NOS1AP: variants seen among roughly 807,000 people sequenced by gnomAD.
NOS1AP encodes the protein carboxyl-terminal PDZ ligand of neuronal nitric oxide synthase protein.
Under a neutral mutation model 56.2 loss-of-function variants are expected in NOS1AP, and 21 were observed. The observed-to-expected ratio is 0.37, with a 90% CI of 0.26 to 0.54. NOS1AP has a LOEUF of 0.54. Among genes scored for constraint, NOS1AP ranks in the 20% least tolerant of loss-of-function variants. The pLI is 0.84. For synonymous variants in NOS1AP, 270 were observed against 274.6 expected, an observed-to-expected ratio of 0.98 and a Z score of 0.17; for missense variants, 522 against 657.8, an observed-to-expected ratio of 0.79 and a Z score of 2.26.
chr1:162,299,559 G>A (rs534812237), intron 3 of NOS1AP, among the ~76,000 whole-genome samples: 56 of 152,218 alleles, frequency 3.7e-4, no homozygotes, highest in African/African-American at 1.2e-3. Flanking sequence ...TAGGTAATTC[G>A]TATATTAAAA....
Position 162,302,097 on chromosome 1 carries a change from C to T in NOS1AP, c.344+1391C>T, listed in dbSNP as rs76220133. On this transcript the variant is annotated intron_variant, in intron 4 of 9. Coordinates refer to ENST00000361897, the MANE Select transcript of NOS1AP (RefSeq NM_014697.3). ...TATGTCTGACAGAATGAATTTCTGC[C>T]TCTGTGTTCCTGTAGTACTGTTTAA... Among the ~76,000 whole-genome samples, 12 of 152,260 alleles carry T rather than the reference C, an allele frequency of 7.9e-5. No homozygotes were observed. In the East Asian group the frequency reaches 2.3e-3, roughly 29 times the overall value.
intron 1 of NOS1AP, among the ~76,000 whole-genome samples, chr1:162,120,933 T>C: frequency 6.6e-6 from 1 of 152,194 alleles, no homozygotes; most frequent in East Asian, 1.9e-4. Context: ...ATATGGGTTC[T>C]GAAAAGACCT....
At chr1:162,149,440 G>A (rs1430812418) in intron 1 of NOS1AP, among the ~76,000 whole-genome samples, 2 of 152,232 alleles carry the variant, frequency 1.3e-5, no homozygotes, top group African/African-American at 4.8e-5. Context: ...CTTAGATGGT[G>A]TCTTACACTT....
intron 1 of NOS1AP, among the ~76,000 whole-genome samples, chr1:162,100,230 C>G (rs1395178127): frequency 6.6e-6 from 1 of 151,874 alleles, no homozygotes; most frequent in Non-Finnish European, 1.5e-5. Flanking sequence ...AATGGTTGAA[C>G]TAGTTTACAG....
intron 2 of NOS1AP, among the ~76,000 whole-genome samples, chr1:162,194,748 G>C (rs1017772269): frequency 6.6e-6 from 1 of 152,144 alleles, no homozygotes; most frequent in Non-Finnish European, 1.5e-5. Flanking sequence ...TCCTCGGGGG[G>C]TTGGGGCTGA....
chr1:162,271,063 T>C (rs1005902693), intron 2 of NOS1AP, among the ~76,000 whole-genome samples: 2 of 152,206 alleles, frequency 1.3e-5, no homozygotes, highest in Admixed American at 6.5e-5. Context: ...TCTTCTGGTT[T>C]AGGCAATGGG....
intron 1 of NOS1AP, among the ~76,000 whole-genome samples, chr1:162,113,921 A>G (rs2102043294): frequency 6.6e-6 from 1 of 152,280 alleles, no homozygotes; most frequent in Non-Finnish European, 1.5e-5. Flanking sequence ...GAGAATTAAA[A>G]AAAAAAACAA....
At chr1:162,264,534 G>C (rs1477810351) in intron 2 of NOS1AP, among the ~76,000 whole-genome samples, 2 of 142,652 alleles carry the variant, frequency 1.4e-5, no homozygotes, top group Non-Finnish European at 3.0e-5. Context: ...TTGAGACAGA[G>C]TCTCACTGGT....
chr1:162,306,372 T>C (rs111361164), intron 4 of NOS1AP, among the ~76,000 whole-genome samples: 14 of 152,120 alleles, frequency 9.2e-5, no homozygotes, highest in Non-Finnish European at 1.9e-4. Flanking sequence ...AGGACAGACT[T>C]AAGCAAAACA....
chr1:162,229,380 T>C (rs953129974), intron 2 of NOS1AP, among the ~76,000 whole-genome samples: 1 of 152,224 alleles, frequency 6.6e-6, no homozygotes. Flanking sequence ...AAACTTCTTT[T>C]TGTTTTCTTT....
intron 1 of NOS1AP, among the ~76,000 whole-genome samples, chr1:162,095,383 C>G (rs1692217105): frequency 6.6e-6 from 1 of 152,144 alleles, no homozygotes; most frequent in Non-Finnish European, 1.5e-5. Flanking sequence ...ACTAAATCAC[C>G]TGGCACCTTG....
chr1:162,085,184 C>T (rs1691975333), intron 1 of NOS1AP, among the ~76,000 whole-genome samples: 2 of 152,110 alleles, frequency 1.3e-5, no homozygotes, highest in Admixed American at 6.5e-5. Flanking sequence ...AGGGAACTTG[C>T]TGCTATGCCA....
At chr1:162,073,916 A>G (rs568559651) in intron 1 of NOS1AP, among the ~76,000 whole-genome samples, 1 of 152,270 alleles carries the variant, frequency 6.6e-6, no homozygotes, top group South Asian at 2.1e-4. Context: ...GTGGCTCCTT[A>G]GTAACTGCCT....
intron 4 of NOS1AP, among the ~76,000 whole-genome samples, chr1:162,313,531 A>C (rs1317395526): frequency 6.6e-6 from 1 of 152,176 alleles, no homozygotes; most frequent in Non-Finnish European, 1.5e-5. Flanking sequence ...TGGCTCTGAG[A>C]GTTCCAAAGT....
chr1:162,137,594 G>C lies in NOS1AP; in HGVS notation c.106-16811G>C, dbSNP rs145150701. Among the ~76,000 whole-genome samples, 563 of 152,038 alleles carry C rather than the reference G, an allele frequency of 3.7e-3. 7 individuals are homozygous for C. The highest frequency in any genetic ancestry group is 0.013 in the African/African-American group (526 of 41,468). ...TTCTTTTCAGAAATCTGTATGTGAGGATCTTTTTCTGCCCTTTCTCTGCTT... is the reference window on the plus strand; with the variant it reads ...TTCTTTTCAGAAATCTGTATGTGAGCATCTTTTTCTGCCCTTTCTCTGCTT... On this transcript the variant is annotated intron_variant, in intron 1 of 9. Transcript: ENST00000361897.
chr1:162,092,086 G>A (rs1189040482), intron 1 of NOS1AP, among the ~76,000 whole-genome samples: 1 of 152,172 alleles, frequency 6.6e-6, no homozygotes, highest in African/African-American at 2.4e-5. Context: ...ATCCAACAAA[G>A]GATGGGATTG....
rs139287378 is a variant in NOS1AP at position 162,152,831 on chromosome 1, G to C, written c.106-1574G>C. 1.9e-4 allele frequency among the ~76,000 whole-genome samples: 29 copies of C among 152,262 alleles called. 1 individual carries two copies. The highest frequency in any genetic ancestry group is 6.0e-4 in the African/African-American group (25 of 41,548). On this transcript the variant is annotated intron_variant, in intron 1 of 9. Transcript: ENST00000361897. ...ATTTCGGGAAAAACTTGCTTTTCCC[G>C]TAACTACAGGACATCCCTTTCCCGC...
chr1:162,264,469 C>CCTCTCCTCTCCTCTCCTCTCCTCT (rs373124349), intron 2 of NOS1AP, among the ~76,000 whole-genome samples: 32 of 31,848 alleles, frequency 1.0e-3, no homozygotes, highest in Admixed American at 2.1e-3. Flanking sequence ...TCTTCTCCTC[C>CCTCTCCTCTCCTCTCCTCTCCTCT]CCTCCCCTCC....
At position 162,370,237 on chromosome 1, in the gene NOS1AP, C is replaced by T. The variant is rs902307669; in HGVS notation, c.*2770C>T. 6.6e-6 allele frequency: 1 copy of T among 152,220 alleles called. No individual in the cohort carries two copies. Among genetic ancestry groups the T allele is most frequent in the Non-Finnish European group, 1.5e-5 (1 of 68,056 alleles). 9.4% of individuals were successfully genotyped at this position (152,220 alleles called of 1,614,324 possible). ...CAATGCTCTCTCTGTAAAACCTCTT[C>T]CTAGCCTCATTTCTCTCAACTGATC... On this transcript the variant is annotated 3_prime_UTR_variant, in exon 10 of 10. Coordinates refer to ENST00000361897, the MANE Select transcript of NOS1AP (RefSeq NM_014697.3).
Sources: gnomAD v4.1 joint callset for allele counts (sites outside exome capture counted in the v4.1 genomes callset) on GRCh38, gnomAD v4.1.1 for gene constraint, MANE v1.5 for transcripts, NCBI Gene and HGNC (gene_info 2026-07-23, HGNC 2026-07-21) for gene names.